The following FSTL4 variants were observed in gnomAD, a reference collection of about 807,000 sequenced individuals.
FSTL4 encodes follistatin like 4, also known as follistatin-related protein 4.
In FSTL4, 28 loss-of-function variants were observed where a neutral mutation model predicts 78.2. The observed-to-expected ratio is 0.36, with a 90% CI of 0.27 to 0.49. The LOEUF (loss-of-function observed/expected upper bound fraction) is 0.49, where lower values mean the gene tolerates loss of function less well. FSTL4 is among the 20% of genes least tolerant of loss of function. The pLI, the probability that FSTL4 is intolerant of heterozygous loss-of-function variation, is 0.98. For missense variants in FSTL4, 922 were observed against 1,084.9 expected, an observed-to-expected ratio of 0.85 and a Z score of 2.11; for synonymous variants, 422 against 440.5, an observed-to-expected ratio of 0.96 and a Z score of 0.53.
At chr5:133,273,786 A>G (rs756043249) in intron 6 of FSTL4, among the ~76,000 whole-genome samples, 7 of 152,128 alleles carry the variant, frequency 4.6e-5, no homozygotes, top group Non-Finnish European at 8.8e-5. Context: ...AACCCACTCC[A>G]GGGATAACAG....
At chr5:133,563,761 A>T (rs1759970882) in intron 3 of FSTL4, among the ~76,000 whole-genome samples, 1 of 152,210 alleles carries the variant, frequency 6.6e-6, no homozygotes, top group Non-Finnish European at 1.5e-5. Context: ...TAAATCCCAC[A>T]GAAAACCAAG....
At chr5:133,762,641 C>T in the FSTL4 span, among the ~76,000 whole-genome samples, 3 of 152,124 alleles carry the variant, frequency 2.0e-5, no homozygotes, top group Admixed American at 6.5e-5. Context: ...GCTCTGCTGC[C>T]CTCCATGTGT....
At chr5:133,462,892 C>T (rs1757626713) in intron 3 of FSTL4, among the ~76,000 whole-genome samples, 1 of 152,176 alleles carries the variant, frequency 6.6e-6, no homozygotes, top group Admixed American at 6.5e-5. Flanking sequence ...AGCAGGTGAC[C>T]TGACACCACA....
intron 10 of FSTL4, among the ~76,000 whole-genome samples, chr5:133,224,920 G>A (rs1444589428): frequency 6.6e-6 from 1 of 152,210 alleles, no homozygotes; most frequent in East Asian, 1.9e-4. Flanking sequence ...TCTGTCTGCT[G>A]TCCAGGGAAT....
chr5:133,319,714 C>T (rs1753999469), intron 4 of FSTL4, among the ~76,000 whole-genome samples: 1 of 152,150 alleles, frequency 6.6e-6, no homozygotes, highest in Non-Finnish European at 1.5e-5. Flanking sequence ...GTCATTTCTT[C>T]CCTTTACTGA....
chr5:133,200,883 ACT>A (rs1750298883), intron 15 of FSTL4, among the ~76,000 whole-genome samples: 1 of 152,126 alleles, frequency 6.6e-6, no homozygotes, highest in Non-Finnish European at 1.5e-5. Context: ...AAGAAAGAAA[ACT>A]CTGCTCTTAT....
chr5:133,252,716 G>T (rs1752290179), intron 6 of FSTL4, among the ~76,000 whole-genome samples: 1 of 152,120 alleles, frequency 6.6e-6, no homozygotes, highest in African/African-American at 2.4e-5. Flanking sequence ...TGATGTGAAA[G>T]GTAGGATCCC....
intron 3 of FSTL4, among the ~76,000 whole-genome samples, chr5:133,561,016 G>A (rs914652927): frequency 1.7e-4 from 26 of 151,242 alleles, no homozygotes; most frequent in Non-Finnish European, 2.8e-4. Flanking sequence ...GTGAACCCGT[G>A]AGGCTGAGCT....
At chr5:133,712,855 G>A in the FSTL4 span, among the ~76,000 whole-genome samples, 3 of 152,290 alleles carry the variant, frequency 2.0e-5, no homozygotes, top group East Asian at 1.9e-4. Flanking sequence ...GTGAATGGCC[G>A]CCCAGCTCAG....
At chr5:133,455,234 A>C (rs951542754) in intron 3 of FSTL4, among the ~76,000 whole-genome samples, 7 of 152,184 alleles carry the variant, frequency 4.6e-5, no homozygotes, top group Middle Eastern at 6.3e-3. Context: ...TCATCTACCC[A>C]GGCTCCTCTT....
Position 133,435,557 on chromosome 5 carries a change from ATACT to A in FSTL4, c.161-34575_161-34572del, listed in dbSNP as rs537053970. Among the ~76,000 whole-genome samples the A allele has an allele frequency of 4.7e-4, 71 of 152,346 alleles. 1 individual carries two copies. The highest frequency in any genetic ancestry group is 1.7e-3 in the African/African-American group (70 of 41,582). ...GAAGTCATCCACCTTATTAAAACAAATACTTAATCATTTGGCCCAGTACCATTTG... is the reference window on the plus strand; with the variant it reads ...GAAGTCATCCACCTTATTAAAACAAATAATCATTTGGCCCAGTACCATTTG... On this transcript the variant is annotated intron_variant, in intron 3 of 15. Transcript: ENST00000265342.
At chr5:133,669,502 C>T in the FSTL4 span, among the ~76,000 whole-genome samples, 9 of 152,196 alleles carry the variant, frequency 5.9e-5, no homozygotes, top group Admixed American at 1.3e-4. Flanking sequence ...GGTGTCTTGC[C>T]AGGTTCCGGT....
the FSTL4 span, among the ~76,000 whole-genome samples, chr5:133,627,465 G>A: frequency 6.6e-6 from 1 of 152,076 alleles, no homozygotes; most frequent in Non-Finnish European, 1.5e-5. Flanking sequence ...TCTCTCACTG[G>A]GTCCTCCCAT....
At chr5:133,598,930 G>A (rs1008637478) in intron 2 of FSTL4, among the ~76,000 whole-genome samples, 4 of 152,142 alleles carry the variant, frequency 2.6e-5, no homozygotes, top group Non-Finnish European at 5.9e-5. Flanking sequence ...TTGGTTCACC[G>A]GGAAGAGGGA....
the FSTL4 span, among the ~76,000 whole-genome samples, chr5:133,774,814 G>T: frequency 6.6e-6 from 1 of 152,040 alleles, no homozygotes. Flanking sequence ...GATATTATTA[G>T]GCTAATTGTA....
In FSTL4 at chr5:133,611,932, T is replaced by C. The variant is rs1057068268; in HGVS notation, c.-11+393A>G. On this transcript the variant is annotated intron_variant, in intron 1 of 15. Transcript: ENST00000265342. The surrounding 1 kb of genome is among the most constrained non-coding windows in gnomAD (Gnocchi z 4.9). Reference sequence around the variant, plus strand: ...GCTCCGCCGGGGCCGCTCGGGGTCCTGAACCCAAGAACGGCGCCTGCAGGA... The same window carrying C: ...GCTCCGCCGGGGCCGCTCGGGGTCCCGAACCCAAGAACGGCGCCTGCAGGA... Among the ~76,000 whole-genome samples, 4 of 151,856 alleles carry C rather than the reference T, an allele frequency of 2.6e-5. No individual in the cohort carries two copies. Among genetic ancestry groups the C allele is most frequent in the African/African-American group, 9.6e-5 (4 of 41,454 alleles).
chr5:133,744,250 G>T, the FSTL4 span, among the ~76,000 whole-genome samples: 1 of 152,162 alleles, frequency 6.6e-6, no homozygotes, highest in East Asian at 1.9e-4. Context: ...TGGAACTTCT[G>T]TAAGCACCGT....
intron 4 of FSTL4, among the ~76,000 whole-genome samples, chr5:133,381,175 C>T (rs937794930): frequency 1.3e-5 from 2 of 152,192 alleles, no homozygotes; most frequent in Non-Finnish European, 2.9e-5. Flanking sequence ...GGAACACTTT[C>T]ACAGGTGCAC....
chr5:133,665,459 C>A, the FSTL4 span, among the ~76,000 whole-genome samples: 3 of 152,196 alleles, frequency 2.0e-5, no homozygotes, highest in African/African-American at 7.2e-5. Flanking sequence ...CAGATCCTAA[C>A]TGCAAGAGTA....
Sources: allele counts gnomAD v4.1 joint callset (sites outside exome capture counted in the v4.1 genomes callset), GRCh38; gene constraint gnomAD v4.1.1; non-coding constraint Gnocchi (gnomAD v3.1); transcripts MANE v1.5; gene names NCBI Gene and HGNC (gene_info 2026-07-23, HGNC 2026-07-21).